Variants in MTCH2 observed in about 807,000 individuals in gnomAD.
The protein encoded by MTCH2 is mitochondrial carrier homolog 2.
Under a neutral mutation model 50.6 loss-of-function variants are expected in MTCH2, and 25 were observed. The ratio of observed to expected loss-of-function variants is 0.49; its 90% CI spans 0.36 to 0.69. The LOEUF (loss-of-function observed/expected upper bound fraction) is 0.69, where lower values mean the gene tolerates loss of function less well. Among genes scored for constraint, MTCH2 ranks in the 30% least tolerant of loss-of-function variants. The pLI is 0.00. For synonymous variants in MTCH2, 106 were observed against 132.0 expected (o/e 0.80, Z 1.35); for missense variants, 273 against 384.4 (o/e 0.71, Z 2.42).
the MTCH2 span, among the ~76,000 whole-genome samples, chr11:47,606,931 C>T: frequency 6.6e-6 from 1 of 152,212 alleles, no homozygotes; most frequent in South Asian, 2.1e-4. Context: ...CAGCTCAGTG[C>T]CTGCTGCTCT....
At position 47,630,538 on chromosome 11, in the gene MTCH2, A is replaced by C; in HGVS notation, c.539+17T>G. The C allele has an allele frequency of 6.3e-7, 1 of 1,593,900 alleles. No individual in the cohort carries two copies. Among genetic ancestry groups the C allele is most frequent in the Non-Finnish European group, 8.6e-7 (1 of 1,161,928 alleles). On this transcript the variant is annotated intron_variant, in intron 8 of 12. Coordinates refer to ENST00000302503, the MANE Select transcript of MTCH2 (RefSeq NM_014342.4). ...CCCACTCATGCAAAAATTACACACT[A>C]ATCAACATTTACTCACGCGAAAAAT...
downstream of MTCH2, among the ~76,000 whole-genome samples, chr11:47,612,720 C>T (rs763793838): frequency 1.3e-5 from 2 of 149,310 alleles, no homozygotes; most frequent in Non-Finnish European, 3.0e-5. Flanking sequence ...CAGAGTGAGA[C>T]CCTATCTCAA....
rs1054557553 is a variant in MTCH2, at chr11:47,625,440, T to A, written c.749+234A>T. On this transcript the variant is annotated intron_variant, in intron 11 of 12. Transcript: ENST00000302503. The stretch of plus-strand genomic sequence containing the variant: ...TCCATCTCAAAAAAAAAAAAAATAA[T>A]AATAATAATTAATAAATAAATACAA... Among the ~76,000 whole-genome samples, 454 of 145,006 alleles carry A rather than the reference T, an allele frequency of 3.1e-3. 3 individuals are homozygous for A. The highest frequency in any genetic ancestry group is 6.9e-3 in the Middle Eastern group (2 of 288).
chr11:47,635,268 G>A (rs374588913), intron 4 of MTCH2, among the ~76,000 whole-genome samples: 4 of 151,990 alleles, frequency 2.6e-5, no homozygotes, highest in African/African-American at 9.6e-5. Flanking sequence ...CTGTAGAGAA[G>A]GGGTCTATGT....
downstream of MTCH2, among the ~76,000 whole-genome samples, chr11:47,612,508 G>A (rs971942183): frequency 6.6e-6 from 1 of 151,984 alleles, no homozygotes; most frequent in African/African-American, 2.4e-5. Context: ...AGGTTGCGGT[G>A]AGCCGAGATC....
the MTCH2 span, among the ~76,000 whole-genome samples, chr11:47,604,866 G>A: frequency 3.9e-5 from 6 of 152,192 alleles, no homozygotes; most frequent in African/African-American, 1.4e-4. Flanking sequence ...ATACCTCTGA[G>A]GGGATCTATT....
At chr11:47,604,331 C>G in the MTCH2 span, among the ~76,000 whole-genome samples, 4 of 151,566 alleles carry the variant, frequency 2.6e-5, no homozygotes, top group African/African-American at 9.7e-5. Flanking sequence ...TTTTACCTCT[C>G]AAACTGTCAA....
Position 47,617,588 on chromosome 11 carries a change from G to A in MTCH2, c.*1245C>T, listed in dbSNP as rs940263845. The A allele has an allele frequency of 6.6e-6, 1 of 152,536 alleles. No individual in the cohort carries two copies. The highest frequency in any genetic ancestry group is 2.4e-5 in the African/African-American group (1 of 41,408). The allele number at this position is 152,536 out of a possible 1,614,324, so 9.4% of individuals were successfully genotyped here. On this transcript the variant is annotated 3_prime_UTR_variant, in exon 13 of 13. Transcript: ENST00000302503. Reference sequence around the variant, plus strand: ...TTGACAGAGAAGTCTCAGAAGCAGCGAATTAAGTGCTTACTCATTTGGCAA... The same window carrying A: ...TTGACAGAGAAGTCTCAGAAGCAGCAAATTAAGTGCTTACTCATTTGGCAA...
chr11:47,623,376 T>TAAAA (rs1159771280), intron 11 of MTCH2, among the ~76,000 whole-genome samples: 3 of 101,648 alleles, frequency 3.0e-5, no homozygotes, highest in African/African-American at 1.1e-4. Context: ...AGTCTTTTTT[T>TAAAA]AAAAAAAAAA....
In MTCH2 at chr11:47,632,705, T is replaced by C. The variant is rs34037669; in HGVS notation, c.370-994A>G. On this transcript the variant is annotated intron_variant, in intron 5 of 12. Coordinates refer to ENST00000302503, the MANE Select transcript of MTCH2 (RefSeq NM_014342.4). ...CTTTATGGTCACTGAGTTTTTTCTT[T>C]TCTTTTTTTTTGAGACAGAGTCTTG... is the stretch of plus-strand genomic sequence containing the variant. Among the ~76,000 whole-genome samples the C allele has an allele frequency of 4.9e-3, 743 of 151,650 alleles. 8 individuals are homozygous for C. The highest frequency in any genetic ancestry group is 0.017 in the African/African-American group (720 of 41,332).
At chr11:47,608,480 C>CTT in the MTCH2 span, among the ~76,000 whole-genome samples, 1 of 152,270 alleles carries the variant, frequency 6.6e-6, no homozygotes, top group Non-Finnish European at 1.5e-5. Flanking sequence ...GACTGCAGAA[C>CTT]TTTACACCCA....
At position 47,635,575 on chromosome 11, in the gene MTCH2, T is replaced by C. The variant is rs756725344; in HGVS notation, c.280-4A>G. ...CCTTGTCACTCTCCTGGTAATGCTA[T>C]AGAAAAAAAGAAAAAGGATGATTAG... is the stretch of plus-strand genomic sequence containing the variant. On this transcript the variant is annotated splice_region_variant and splice_polypyrimidine_tract_variant and intron_variant, in intron 3 of 12. Transcript: ENST00000302503. The C allele has an allele frequency of 6.2e-6, 10 of 1,611,440 alleles. No individual in the cohort carries two copies. The highest frequency in any genetic ancestry group is 5.0e-5 in the Admixed American group (3 of 59,836).
chr11:47,642,332 G>T, intron 1 of MTCH2, 47 bp downstream of exon 1: 2 of 1,445,832 alleles, frequency 1.4e-6, no homozygotes, highest in Non-Finnish European at 1.8e-6. Context: ...GAGCAGCAGC[G>T]ACCGAACGGG....
chr11:47,613,168 A>C (rs4434961), downstream of MTCH2, among the ~76,000 whole-genome samples: 149,481 of 151,896 alleles, frequency 0.98, 73,582 homozygotes, highest in East Asian at 1. Context: ...TTAGCCTCCC[A>C]AAGTGCTGGG....
At chr11:47,638,837 T>C in intron 2 of MTCH2, 32 bp from the exon 3 acceptor site, 1 of 1,605,540 alleles carries the variant, frequency 6.2e-7, no homozygotes. Context: ...GTTGTCAAGT[T>C]CTGGTCAAGA....
chr11:47,623,380 A>G (rs1429138994), intron 11 of MTCH2, among the ~76,000 whole-genome samples: 7 of 151,570 alleles, frequency 4.6e-5, no homozygotes, highest in Non-Finnish European at 7.4e-5. Flanking sequence ...TTTTTTTAAA[A>G]AAAAAAAAAA....
the MTCH2 span, among the ~76,000 whole-genome samples, chr11:47,609,626 CAAAAAAAAAAA>C: frequency 1.1e-4 from 10 of 88,166 alleles, no homozygotes; most frequent in South Asian, 4.4e-4. Context: ...GACTCTGTCT[CAAAAAAAAAAA>C]AAAAAAAAAA....
chr11:47,620,710 G>A (rs1170517170), intron 12 of MTCH2, among the ~76,000 whole-genome samples: 1 of 152,148 alleles, frequency 6.6e-6, no homozygotes, highest in Non-Finnish European at 1.5e-5. Context: ...GTGCAACTGA[G>A]TACACTCTGG....
rs565450304 is a variant in MTCH2 at position 47,627,539 on chromosome 11, G to A, written c.634-412C>T. On this transcript the variant is annotated intron_variant, in intron 9 of 12. Transcript: ENST00000302503. Reference sequence around the variant, plus strand: ...ACCTCCCACCTAAGCCTCCTGAGTCGCTGGAATCATAGGCTGGAGCTACTG... The same window carrying A: ...ACCTCCCACCTAAGCCTCCTGAGTCACTGGAATCATAGGCTGGAGCTACTG... Among the ~76,000 whole-genome samples, 7 of 152,154 alleles carry A rather than the reference G, an allele frequency of 4.6e-5. No individual in the cohort carries two copies. In the South Asian group the frequency reaches 1.2e-3, roughly 27 times the overall value.
Sources: gnomAD v4.1 joint callset for allele counts (sites outside exome capture counted in the v4.1 genomes callset) on GRCh38, gnomAD v4.1.1 for gene constraint, MANE v1.5 for transcripts, NCBI Gene and HGNC (gene_info 2026-07-23, HGNC 2026-07-21) for gene names.